The following PRKCE variants were observed in gnomAD, a reference collection of about 807,000 sequenced individuals.
PRKCE encodes the protein protein kinase C epsilon.
In PRKCE, 16 loss-of-function variants were observed where a neutral mutation model predicts 85.4. The observed-to-expected ratio is 0.19, with a 90% CI of 0.13 to 0.28. PRKCE has a LOEUF of 0.28. PRKCE is among the 10% of genes least tolerant of loss of function. PRKCE has a pLI of 1.00. For synonymous variants in PRKCE, 388 were observed against 371.5 expected, an observed-to-expected ratio of 1.04 and a Z score of -0.51; for missense variants, 573 against 975.2, an observed-to-expected ratio of 0.59 and a Z score of 5.49.
chr2:45,651,668 C>G (rs1390200563), upstream of PRKCE: 1 of 156,676 alleles, frequency 6.4e-6, no homozygotes, highest in Non-Finnish European at 1.4e-5. Flanking sequence ...ATCCCCCTCC[C>G]GGAGTCGAAA....
At chr2:46,164,162 T>C (rs368409860) in intron 14 of PRKCE, among the ~76,000 whole-genome samples, 4 of 152,148 alleles carry the variant, frequency 2.6e-5, no homozygotes, top group African/African-American at 7.2e-5. Context: ...GATCCCGACA[T>C]TGGGAAAAAA....
chr2:46,123,535 C>A (rs993011359), intron 11 of PRKCE, among the ~76,000 whole-genome samples: 1 of 152,154 alleles, frequency 6.6e-6, no homozygotes, highest in African/African-American at 2.4e-5. Context: ...GTCGCCCAGG[C>A]TGGAGTGCAG....
At chr2:45,806,065 T>C (rs2105225485) in intron 1 of PRKCE, among the ~76,000 whole-genome samples, 1 of 152,316 alleles carries the variant, frequency 6.6e-6, no homozygotes, top group African/African-American at 2.4e-5. Flanking sequence ...CTGAATGAGC[T>C]CCAGGATTTT....
At chr2:46,140,731 G>A (rs577703616) in intron 11 of PRKCE, among the ~76,000 whole-genome samples, 1 of 152,122 alleles carries the variant, frequency 6.6e-6, no homozygotes, top group East Asian at 1.9e-4. Context: ...AATGCCAAAA[G>A]TCAAACAAAA....
chr2:45,731,763 A>G (rs1681598121), intron 1 of PRKCE, among the ~76,000 whole-genome samples: 1 of 151,834 alleles, frequency 6.6e-6, no homozygotes, highest in Non-Finnish European at 1.5e-5. Flanking sequence ...AGCTGGGACC[A>G]TGGGTGTGTG....
intron 1 of PRKCE, among the ~76,000 whole-genome samples, chr2:45,806,356 A>T (rs1688243898): frequency 6.6e-6 from 1 of 152,148 alleles, no homozygotes; most frequent in Non-Finnish European, 1.5e-5. Context: ...GGACTCAGAG[A>T]TTGACTTCTC....
chr2:45,860,461 G>T (rs1693063564), intron 2 of PRKCE, among the ~76,000 whole-genome samples: 1 of 152,216 alleles, frequency 6.6e-6, no homozygotes, highest in Admixed American at 6.5e-5. Flanking sequence ...GCACTCCTCT[G>T]AAGGCAGATT....
At chr2:46,180,555 A>C (rs281467) in intron 14 of PRKCE, among the ~76,000 whole-genome samples, 127,498 of 152,216 alleles carry the variant, frequency 0.84, 53,570 homozygotes, top group East Asian at 0.99. Context: ...TCAGCCCCTA[A>C]CTTCAGGAAA....
intron 1 of PRKCE, among the ~76,000 whole-genome samples, chr2:45,836,839 C>T (rs1185122713): frequency 6.6e-6 from 1 of 152,208 alleles, no homozygotes; most frequent in Non-Finnish European, 1.5e-5. Flanking sequence ...CCTTCTCATC[C>T]TTTCTGGATT....
intron 10 of PRKCE, among the ~76,000 whole-genome samples, chr2:46,029,261 G>A (rs1224879578): frequency 1.3e-5 from 2 of 152,154 alleles, no homozygotes; most frequent in African/African-American, 2.4e-5. Context: ...GTTAAGAAGT[G>A]GTAGAATTGG....
At chr2:46,143,983 C>T (rs140246844) in intron 11 of PRKCE, among the ~76,000 whole-genome samples, 1 of 152,288 alleles carries the variant, frequency 6.6e-6, no homozygotes, top group East Asian at 1.9e-4. Context: ...ACAAATGGGC[C>T]TTCTTTGCAA....
chr2:45,655,020 A>C (rs913599690), intron 1 of PRKCE, among the ~76,000 whole-genome samples: 3 of 152,220 alleles, frequency 2.0e-5, no homozygotes, highest in Non-Finnish European at 4.4e-5. Flanking sequence ...GGCCTGAAGT[A>C]AGGGGATGTG....
In PRKCE at chr2:46,108,427, T is replaced by C. The variant is rs112264622; in HGVS notation, c.1592+22065T>C. ...GACACAGAACAACAAATATAGCATG[T>C]CTTCACTTGTAAGAGGGAGATAAAT... is the stretch of plus-strand genomic sequence containing the variant. On this transcript the variant is annotated intron_variant, in intron 11 of 14. Coordinates refer to ENST00000306156, the MANE Select transcript of PRKCE (RefSeq NM_005400.3). 3.9e-3 allele frequency among the ~76,000 whole-genome samples: 590 copies of C among 152,326 alleles called. 7 individuals carry two copies. Among genetic ancestry groups the C allele is most frequent in the Middle Eastern group, 0.017 (5 of 294 alleles).
At chr2:46,008,599 T>C (rs1016889293) in intron 9 of PRKCE, among the ~76,000 whole-genome samples, 1 of 152,122 alleles carries the variant, frequency 6.6e-6, no homozygotes, top group Non-Finnish European at 1.5e-5. Flanking sequence ...AGCCTGTAGG[T>C]CAGTCAGCTG....
chr2:46,163,528 GCT>G (rs1558518907), intron 14 of PRKCE, among the ~76,000 whole-genome samples: 2 of 112,346 alleles, frequency 1.8e-5, no homozygotes. Flanking sequence ...ACACGGGGAA[GCT>G]GAGGCACTCC....
chr2:45,934,217 T>C (rs940268411), intron 2 of PRKCE, among the ~76,000 whole-genome samples: 2 of 152,226 alleles, frequency 1.3e-5, no homozygotes, highest in African/African-American at 4.8e-5. Flanking sequence ...TGTGTGTTTA[T>C]CAAAAGCCAC....
At chr2:45,968,237 A>G (rs567115198) in intron 2 of PRKCE, among the ~76,000 whole-genome samples, 1 of 86,922 alleles carries the variant, frequency 1.2e-5, no homozygotes, top group Admixed American at 1.4e-4. Flanking sequence ...ATGAGTGGAT[A>G]AAGAAAATAT....
chr2:46,095,695 A>G (rs1354154715), intron 11 of PRKCE, among the ~76,000 whole-genome samples: 1 of 152,024 alleles, frequency 6.6e-6, no homozygotes, highest in Non-Finnish European at 1.5e-5. Context: ...TTCAGTTACC[A>G]CTCATCCGTT....
At chr2:45,934,243 T>C (rs953186950) in intron 2 of PRKCE, among the ~76,000 whole-genome samples, 1 of 152,234 alleles carries the variant, frequency 6.6e-6, no homozygotes, top group Non-Finnish European at 1.5e-5. Flanking sequence ...TTTGTTCTTA[T>C]TGTAATAAAT....
Sources: allele counts gnomAD v4.1 joint callset (sites outside exome capture counted in the v4.1 genomes callset), GRCh38; gene constraint gnomAD v4.1.1; transcripts MANE v1.5; gene names NCBI Gene and HGNC (gene_info 2026-07-23, HGNC 2026-07-21).